Variants in CELF2 observed in about 807,000 individuals in gnomAD.
The protein encoded by CELF2 is CUG triplet repeat RNA-binding protein 2.
Under a neutral mutation model 62.6 loss-of-function variants are expected in CELF2, and 8 were observed. That is an observed-to-expected ratio of 0.13 (90% confidence interval 0.07 to 0.23). CELF2 has a LOEUF of 0.23. Among genes scored for constraint, CELF2 ranks in the 10% least tolerant of loss-of-function variants. The pLI is 1.00. For synonymous variants in CELF2, 258 were observed against 250.0 expected, an observed-to-expected ratio of 1.03 and a Z score of -0.30; for missense variants, 333 against 671.0, an observed-to-expected ratio of 0.50 and a Z score of 5.56.
chr10:11,087,535 T>A (rs143442481), intron 1 of CELF2, among the ~76,000 whole-genome samples: 55 of 152,342 alleles, frequency 3.6e-4, no homozygotes, highest in African/African-American at 1.1e-3. Flanking sequence ...GGCACTGTTA[T>A]CGCACAGCAG....
chr10:10,647,593 A>G, the CELF2 span, among the ~76,000 whole-genome samples: 3 of 152,242 alleles, frequency 2.0e-5, no homozygotes, highest in Admixed American at 2.0e-4. Context: ...TCTGCATTTT[A>G]CATGGTGCCT....
At chr10:10,582,324 A>G in the CELF2 span, among the ~76,000 whole-genome samples, 1 of 152,206 alleles carries the variant, frequency 6.6e-6, no homozygotes, top group Non-Finnish European at 1.5e-5. Context: ...CCATTGTTAC[A>G]TACCTTTTGG....
chr10:10,648,655 A>G, the CELF2 span, among the ~76,000 whole-genome samples: 1 of 152,248 alleles, frequency 6.6e-6, no homozygotes, highest in Non-Finnish European at 1.5e-5. Context: ...TCTGTAGCTT[A>G]AATGGGTCAG....
intron 1 of CELF2, among the ~76,000 whole-genome samples, chr10:11,124,555 A>G (rs1320904061): frequency 1.3e-5 from 2 of 152,210 alleles, no homozygotes; most frequent in South Asian, 2.1e-4. Flanking sequence ...CAATGTTTTA[A>G]ATTTTCCAAA....
chr10:10,517,241 A>G, the CELF2 span, among the ~76,000 whole-genome samples: 1 of 152,122 alleles, frequency 6.6e-6, no homozygotes, highest in East Asian at 1.9e-4. Flanking sequence ...CTCAACTTCA[A>G]CGGGAGGCTT....
chr10:11,106,550 T>G (rs1171744136), intron 1 of CELF2, among the ~76,000 whole-genome samples: 1 of 152,204 alleles, frequency 6.6e-6, no homozygotes, highest in African/African-American at 2.4e-5. Flanking sequence ...CTTGACACTT[T>G]TAATATTAGT....
rs576237497 is a variant in CELF2, at chr10:11,170,714, A to G, written c.271+5032A>G. Among the ~76,000 whole-genome samples, 13 of 152,248 alleles carry G rather than the reference A, an allele frequency of 8.5e-5. No individual in the cohort carries two copies. The South Asian group carries it at 1.5e-3, about 17-fold the overall frequency. Reference sequence around the variant, plus strand: ...TTGAAGGGTTGGCAGTTGATGTTCAATGGGAGAAGTTGGCAGATATGGAAA... The same window carrying G: ...TTGAAGGGTTGGCAGTTGATGTTCAGTGGGAGAAGTTGGCAGATATGGAAA... On this transcript the variant is annotated intron_variant, in intron 2 of 12. Coordinates refer to ENST00000633077, the MANE Select transcript of CELF2 (RefSeq NM_001326342.2).
chr10:10,939,914 A>G (rs1008550858), intron 2 of CELF2, among the ~76,000 whole-genome samples: 3 of 152,176 alleles, frequency 2.0e-5, no homozygotes, highest in Admixed American at 6.5e-5. Flanking sequence ...AGACCGCACC[A>G]CTGCACTCTA....
chr10:10,760,866 A>T, the CELF2 span, among the ~76,000 whole-genome samples: 1 of 152,208 alleles, frequency 6.6e-6, no homozygotes, highest in South Asian at 2.1e-4. Context: ...ATGGAAAAGG[A>T]TAATGATGCC....
At chr10:10,641,660 G>T in the CELF2 span, among the ~76,000 whole-genome samples, 1 of 152,060 alleles carries the variant, frequency 6.6e-6, no homozygotes, top group Non-Finnish European at 1.5e-5. Flanking sequence ...TGTTGGCCAG[G>T]CTGGTCTCAC....
intron 1 of CELF2, among the ~76,000 whole-genome samples, chr10:10,895,786 A>G (rs1170835721): frequency 6.6e-6 from 1 of 152,204 alleles, no homozygotes; most frequent in Non-Finnish European, 1.5e-5. Flanking sequence ...TTGGAAAAAA[A>G]ATAGTTTGCA....
At chr10:10,933,595 C>T (rs1442979764) in intron 2 of CELF2, among the ~76,000 whole-genome samples, 1 of 152,136 alleles carries the variant, frequency 6.6e-6, no homozygotes, top group Non-Finnish European at 1.5e-5. Context: ...GTGCCCTCCT[C>T]TCATCCCCAC....
At chr10:10,801,949 G>T (rs1247055834) in intron 1 of CELF2, among the ~76,000 whole-genome samples, 1 of 152,112 alleles carries the variant, frequency 6.6e-6, no homozygotes, top group Non-Finnish European at 1.5e-5. Flanking sequence ...AGAAACCAGG[G>T]GTGGTCGTAG....
chr10:10,470,116 C>A, the CELF2 span, among the ~76,000 whole-genome samples: 1 of 151,770 alleles, frequency 6.6e-6, no homozygotes, highest in African/African-American at 2.4e-5. Flanking sequence ...TTTTAGAAAT[C>A]AAAAATCCCA....
At chr10:10,680,288 T>G in the CELF2 span, among the ~76,000 whole-genome samples, 1 of 152,220 alleles carries the variant, frequency 6.6e-6, no homozygotes, top group East Asian at 1.9e-4. Flanking sequence ...TCCCCAAGAC[T>G]ACCTTCAGGT....
chr10:11,303,538 C>A (rs2093956741), intron 9 of CELF2, among the ~76,000 whole-genome samples: 1 of 152,212 alleles, frequency 6.6e-6, no homozygotes, highest in South Asian at 2.1e-4. Flanking sequence ...TATTGATCAC[C>A]CGCTGTGCAT....
At chr10:11,107,013 G>A (rs1014647557) in intron 1 of CELF2, among the ~76,000 whole-genome samples, 2 of 152,322 alleles carry the variant, frequency 1.3e-5, no homozygotes, top group Non-Finnish European at 2.9e-5. Context: ...AGGGAGCCCA[G>A]CCCTTCCAGA....
chr10:10,468,289 C>A, the CELF2 span, among the ~76,000 whole-genome samples: 3 of 151,928 alleles, frequency 2.0e-5, no homozygotes, highest in Admixed American at 2.0e-4. Context: ...CTTGAGCATC[C>A]CCATAAAACT....
chr10:10,880,278 A>C (rs1331108355), intron 1 of CELF2, among the ~76,000 whole-genome samples: 1 of 152,152 alleles, frequency 6.6e-6, no homozygotes, highest in Non-Finnish European at 1.5e-5. Flanking sequence ...GGGAAGACTT[A>C]GATTTTCTCC....
Sources: allele counts gnomAD v4.1 joint callset (sites outside exome capture counted in the v4.1 genomes callset), GRCh38; gene constraint gnomAD v4.1.1; transcripts MANE v1.5; gene names NCBI Gene and HGNC (gene_info 2026-07-23, HGNC 2026-07-21).